The following PTPRQ variants were observed in gnomAD, a reference collection of about 807,000 sequenced individuals.
The protein encoded by PTPRQ is phosphatidylinositol phosphatase PTPRQ.
In PTPRQ, 199 loss-of-function variants were observed where a neutral mutation model predicts 246.0. The ratio of observed to expected loss-of-function variants is 0.81; its 90% confidence interval spans 0.72 to 0.91. The LOEUF (loss-of-function observed/expected upper bound fraction) is 0.91. Ranked by LOEUF, PTPRQ falls within the 40% of genes least tolerant of loss-of-function variation. The pLI is 0.00. For missense variants in PTPRQ, 2,624 were observed against 2,528.4 expected (o/e 1.04, Z -0.81); for synonymous variants, 869 against 853.2 (o/e 1.02, Z -0.32).
chr12:80,484,249 G>A (rs1261560109), intron 8 of PTPRQ, among the ~76,000 whole-genome samples, 184 bp from the exon 9 acceptor site: 1 of 151,706 alleles, frequency 6.6e-6, no homozygotes, highest in Non-Finnish European at 1.5e-5. Context: ...TCAGGTGATT[G>A]GCCTCCCTTG....
chr12:80,644,088 C>T (rs767089456), intron 35 of PTPRQ, among the ~76,000 whole-genome samples: 2 of 152,132 alleles, frequency 1.3e-5, no homozygotes, highest in Non-Finnish European at 2.9e-5. Flanking sequence ...CTATAGATTT[C>T]AACTAATTGA....
At chr12:80,523,129 A>G (rs1267965392) in intron 17 of PTPRQ, among the ~76,000 whole-genome samples, 3 of 152,100 alleles carry the variant, frequency 2.0e-5, no homozygotes, top group Non-Finnish European at 4.4e-5. Context: ...CATTTCTTCT[A>G]GATTTTCTGG....
intron 25 of PTPRQ, among the ~76,000 whole-genome samples, chr12:80,574,487 TCTTG>T (rs1897232395): frequency 6.6e-6 from 1 of 152,170 alleles, no homozygotes; most frequent in African/African-American, 2.4e-5. Context: ...GTTCCTCTGT[TCTTG>T]CTTTCTTTCT....
At position 80,506,132 on chromosome 12, in the gene PTPRQ, C is replaced by T; in HGVS notation, c.2381C>T (p.Thr794Ile). Residue 794 changes from threonine (T) to isoleucine (I), a missense_variant, in exon 15 of 45, where the codon ACA becomes ATA. Transcript: ENST00000644991. Reference protein sequence around the residue: ...SSPNGIIQKYTIYLKRSNGNE... With the variant: ...SSPNGIIQKYIIYLKRSNGNE... ...CCCAATGGAATCATACAAAAATATA[C>T]AATTTATCTCAAGAGAAGTAATGGA... The T allele has an allele frequency of 2.6e-6, 4 of 1,537,620 alleles. No homozygotes were observed. Among genetic ancestry groups the T allele is most frequent in the Non-Finnish European group, 3.5e-6 (4 of 1,141,726 alleles).
chr12:80,678,946 AC>A, intron 44 of PTPRQ, 39 bp from the exon 45 acceptor site: 1 of 1,518,674 alleles, frequency 6.6e-7, no homozygotes, highest in Non-Finnish European at 8.8e-7. Flanking sequence ...TGAACTGTTA[AC>A]TTCAACACTC....
At chr12:80,570,534 G>T (rs1041868555) in intron 25 of PTPRQ, among the ~76,000 whole-genome samples, 1 of 151,922 alleles carries the variant, frequency 6.6e-6, no homozygotes, top group Non-Finnish European at 1.5e-5. Context: ...TCTATAGTTT[G>T]CCTGTTCACT....
intron 1 of PTPRQ, 61 bp from the exon 2 acceptor site, chr12:80,444,680 T>A (rs1353291843): frequency 7.9e-7 from 1 of 1,261,362 alleles, no homozygotes; most frequent in East Asian, 2.6e-5. Context: ...GATAGATTTA[T>A]TTTAGCTTGC....
Position 80,679,108 on chromosome 12 carries a change from T to C in PTPRQ, c.*85T>C. 6.8e-7 allele frequency: 1 copy of C among 1,478,110 alleles called. No homozygotes were observed. The highest frequency in any genetic ancestry group is 9.0e-7 in the Non-Finnish European group (1 of 1,107,638). 91.6% of individuals were successfully genotyped at this position (1,478,110 alleles called of 1,614,324 possible). On this transcript the variant is annotated 3_prime_UTR_variant, in exon 45 of 45. Transcript: ENST00000644991. ...CCCCTCATTCTTCCGAATTGAAATGTGCAACCTTAAAGAAATATCTATGCT... is the reference window on the plus strand; with the variant it reads ...CCCCTCATTCTTCCGAATTGAAATGCGCAACCTTAAAGAAATATCTATGCT...
At chr12:80,492,269 A>G (rs1894474431) in intron 9 of PTPRQ, among the ~76,000 whole-genome samples, 1 of 151,930 alleles carries the variant, frequency 6.6e-6, no homozygotes, top group African/African-American at 2.4e-5. Flanking sequence ...AACCATGGAC[A>G]TTTCCACCCA....
At chr12:80,660,533 C>A (rs557377589) in intron 39 of PTPRQ, among the ~76,000 whole-genome samples, 2 of 151,830 alleles carry the variant, frequency 1.3e-5, no homozygotes, top group Admixed American at 1.3e-4. Context: ...TCAAGAGAGT[C>A]AAAAATGAAA....
intron 35 of PTPRQ, among the ~76,000 whole-genome samples, chr12:80,644,850 G>C (rs1398029010): frequency 3.3e-5 from 5 of 151,958 alleles, no homozygotes; most frequent in Non-Finnish European, 2.9e-5. Context: ...GGCTAAGAAC[G>C]AAAGCAATGA....
intron 32 of PTPRQ, among the ~76,000 whole-genome samples, chr12:80,620,658 G>C (rs1898946465): frequency 6.6e-6 from 1 of 151,750 alleles, no homozygotes; most frequent in South Asian, 2.1e-4. Context: ...GGAGAACATA[G>C]GTATATAGGA....
intron 39 of PTPRQ, among the ~76,000 whole-genome samples, chr12:80,663,132 G>C (rs1451333903): frequency 6.6e-6 from 1 of 151,450 alleles, no homozygotes; most frequent in East Asian, 1.9e-4. Flanking sequence ...TTAAATAACA[G>C]ATAATACATA....
chr12:80,673,725 A>G (rs1901045549), intron 43 of PTPRQ, among the ~76,000 whole-genome samples: 1 of 152,146 alleles, frequency 6.6e-6, no homozygotes, highest in Non-Finnish European at 1.5e-5. Flanking sequence ...ACTTCTCCAT[A>G]TTTATCCCTA....
intron 17 of PTPRQ, among the ~76,000 whole-genome samples, chr12:80,517,586 T>C (rs1895343730): frequency 6.6e-6 from 1 of 152,114 alleles, no homozygotes; most frequent in South Asian, 2.1e-4. Context: ...CACTGTCAAA[T>C]ACTAGATCAT....
In PTPRQ at chr12:80,546,623, G is replaced by C. The variant is rs370981623; in HGVS notation, c.3941G>C (p.Arg1314Pro). The change falls in exon 24 of 45, where the codon CGT becomes CCT. Residue 1314 changes from arginine (R) to proline (P), a missense_variant. By Grantham distance (103) the Arg-to-Pro change is moderately radical (BLOSUM62 -2). Coordinates refer to ENST00000644991, the MANE Select transcript of PTPRQ (RefSeq NM_001145026.2). ...GLEPVSTYSI[R>P]VSAFTKVGNG... Reference sequence around the variant, plus strand: ...GAACCAGTCAGCACCTACTCTATCCGTGTATCTGCGTTCACCAAAGTTGGA... The same window carrying C: ...GAACCAGTCAGCACCTACTCTATCCCTGTATCTGCGTTCACCAAAGTTGGA... The C allele has an allele frequency of 1.3e-6, 2 of 1,551,288 alleles. No individual in the cohort carries two copies. The highest frequency in any genetic ancestry group is 1.7e-6 in the Non-Finnish European group (2 of 1,146,838).
In PTPRQ at chr12:80,573,463, T is replaced by G. The variant is rs527650630; in HGVS notation, c.4286-14666T>G. The stretch of plus-strand genomic sequence containing the variant: ...GAGATCATGCCACTGCACTCCAGCC[T>G]GGGCCACAGAGTGAGACTCCGTCTT... On this transcript the variant is annotated intron_variant, in intron 25 of 44. Coordinates refer to ENST00000644991, the MANE Select transcript of PTPRQ (RefSeq NM_001145026.2). Among the ~76,000 whole-genome samples the G allele has an allele frequency of 1.5e-3, 228 of 151,990 alleles. 5 individuals are homozygous for G. The highest frequency in any genetic ancestry group is 5.9e-4 in the Non-Finnish European group (40 of 67,972).
intron 4 of PTPRQ, among the ~76,000 whole-genome samples, chr12:80,457,986 C>T (rs1391912443): frequency 6.6e-6 from 1 of 152,008 alleles, no homozygotes. Flanking sequence ...TATGACTATA[C>T]ATTAATGAAA....
intron 35 of PTPRQ, among the ~76,000 whole-genome samples, chr12:80,641,714 A>G (rs1484995977): frequency 6.6e-6 from 1 of 152,170 alleles, no homozygotes; most frequent in African/African-American, 2.4e-5. Context: ...ATAAAATATC[A>G]ATTTTCAACC....
Sources: gnomAD v4.1 joint callset for allele counts (sites outside exome capture counted in the v4.1 genomes callset) on GRCh38, gnomAD v4.1.1 for gene constraint, MANE v1.5 for transcripts, NCBI Gene and HGNC (gene_info 2026-07-23, HGNC 2026-07-21) for gene names.